The following SLCO1B3 variants were observed in gnomAD, a reference collection of about 807,000 sequenced individuals.
The protein encoded by SLCO1B3 is solute carrier organic anion transporter family member 1B3.
SLCO1B3 carries 72 observed loss-of-function variants against 71.8 expected under a neutral mutation model. The observed-to-expected ratio is 1.00, with a 90% CI of 0.83 to 1.22. The LOEUF (loss-of-function observed/expected upper bound fraction) is 1.22. SLCO1B3 is among the 50% of genes most tolerant of loss of function. The probability of loss-of-function intolerance (pLI) is 0.00; values close to 1 mark genes in which losing one functional copy is unlikely to be tolerated. For synonymous variants in SLCO1B3, 298 were observed against 278.4 expected, an observed-to-expected ratio of 1.07 and a Z score of -0.70; for missense variants, 911 against 819.7, an observed-to-expected ratio of 1.11 and a Z score of -1.36.
chr12:20,824,684 AAATAT>A (rs1313801591), intron 3 of SLCO1B3, among the ~76,000 whole-genome samples: 4 of 152,202 alleles, frequency 2.6e-5, no homozygotes, highest in Admixed American at 2.0e-4. Context: ...ACATTCACAT[AAATAT>A]AATATAATCC....
At chr12:20,912,280 T>C (rs1866394797) in intron 15 of SLCO1B3, among the ~76,000 whole-genome samples, 1 of 150,812 alleles carries the variant, frequency 6.6e-6, no homozygotes, top group Non-Finnish European at 1.5e-5. Flanking sequence ...TTCTTTCAAA[T>C]TTCTTCTATT....
chr12:20,868,974 G>A (rs1361616565), intron 8 of SLCO1B3, among the ~76,000 whole-genome samples: 3 of 152,120 alleles, frequency 2.0e-5, no homozygotes, highest in Admixed American at 2.0e-4. Flanking sequence ...CTGCTATCTA[G>A]AAGGCAGAGC....
intron 3 of SLCO1B3, among the ~76,000 whole-genome samples, chr12:20,824,153 A>T (rs1864375187): frequency 6.6e-6 from 1 of 152,228 alleles, no homozygotes; most frequent in Non-Finnish European, 1.5e-5. Flanking sequence ...AATTTACTAA[A>T]TTCACTTTAT....
rs556361287 is a variant in SLCO1B3, at chr12:20,887,319, A to G, written c.1682+3717A>G. ...TACTGTTTTCCATAGAGGTTTTACT[A>G]ATTTACATTCCCACCAACAGTGTAT... On this transcript the variant is annotated intron_variant, in intron 13 of 15. Transcript: ENST00000381545. Among the ~76,000 whole-genome samples, 399 of 152,192 alleles carry G rather than the reference A, an allele frequency of 2.6e-3. 4 individuals carry two copies. Among genetic ancestry groups the G allele is most frequent in the Non-Finnish European group, 5.9e-4 (40 of 67,962 alleles).
At chr12:20,868,624 G>A (rs1865416802) in intron 8 of SLCO1B3, among the ~76,000 whole-genome samples, 1 of 150,184 alleles carries the variant, frequency 6.7e-6, no homozygotes, top group Non-Finnish European at 1.5e-5. Context: ...CTTACTGTGT[G>A]CGGAGATGAG....
At chr12:20,871,554 C>A (rs1591772488) in intron 8 of SLCO1B3, among the ~76,000 whole-genome samples, 1 of 152,084 alleles carries the variant, frequency 6.6e-6, no homozygotes, top group Non-Finnish European at 1.5e-5. Flanking sequence ...TCCTTCTTTA[C>A]TAGGCTTTTT....
chr12:20,857,273 G>A (rs1487964087), intron 4 of SLCO1B3, among the ~76,000 whole-genome samples: 4 of 151,934 alleles, frequency 2.6e-5, no homozygotes, highest in Admixed American at 6.6e-5. Flanking sequence ...CTGGACAAAC[G>A]TAGGAACTTT....
intron 4 of SLCO1B3, among the ~76,000 whole-genome samples, 158 bp from the exon 5 acceptor site, chr12:20,858,281 T>C (rs1486018034): frequency 6.6e-6 from 1 of 152,038 alleles, no homozygotes; most frequent in Non-Finnish European, 1.5e-5. Flanking sequence ...TTTCAATGAG[T>C]GGTTTAATGT....
At chr12:20,894,951 G>T (rs958760451) in intron 13 of SLCO1B3, among the ~76,000 whole-genome samples, 11 of 152,216 alleles carry the variant, frequency 7.2e-5, no homozygotes, top group African/African-American at 2.4e-4. Flanking sequence ...TGGAAGGCAA[G>T]GAGGAGCAAG....
In SLCO1B3 at chr12:20,856,749, C is replaced by T. The variant is rs528259854; in HGVS notation, c.226+1580C>T. The stretch of plus-strand genomic sequence containing the variant: ...TAATTTTCGTATTTTTAAGTGGAGA[C>T]AGGTTTTCACCATTTGGCCAGGCTG... On this transcript the variant is annotated intron_variant, in intron 4 of 15. Transcript: ENST00000381545. 8.7e-4 allele frequency among the ~76,000 whole-genome samples: 133 copies of T among 152,198 alleles called. 2 individuals carry two copies. The South Asian group carries it at 0.025, about 28-fold the overall frequency.
At chr12:20,878,971 T>A (rs954185062) in intron 10 of SLCO1B3, among the ~76,000 whole-genome samples, 3 of 152,118 alleles carry the variant, frequency 2.0e-5, no homozygotes, top group African/African-American at 7.2e-5. Flanking sequence ...AAAGGATTTT[T>A]TAGATGGTAG....
chr12:20,816,926 T>C (rs1179097695), intron 3 of SLCO1B3, among the ~76,000 whole-genome samples: 2 of 152,250 alleles, frequency 1.3e-5, no homozygotes, highest in Non-Finnish European at 2.9e-5. Flanking sequence ...CATTGTAGTA[T>C]TGATTTGCAT....
At chr12:20,818,385 T>C (rs1864230646) in intron 3 of SLCO1B3, among the ~76,000 whole-genome samples, 2 of 152,164 alleles carry the variant, frequency 1.3e-5, no homozygotes, top group African/African-American at 4.8e-5. Flanking sequence ...TGAGGAATTA[T>C]GTCTGACAGA....
chr12:20,882,391 G>T (rs1865710509), intron 12 of SLCO1B3, among the ~76,000 whole-genome samples: 1 of 152,082 alleles, frequency 6.6e-6, no homozygotes, highest in Admixed American at 6.6e-5. Context: ...TGAACCATAC[G>T]AGTATGGATT....
chr12:20,884,410 A>G (rs540756864), intron 13 of SLCO1B3, among the ~76,000 whole-genome samples: 1 of 152,306 alleles, frequency 6.6e-6, no homozygotes, highest in Non-Finnish European at 1.5e-5. Context: ...GTGACATTAT[A>G]TCTAAAGATG....
intron 2 of SLCO1B3, among the ~76,000 whole-genome samples, chr12:20,814,976 C>CTTTTTTTTTTTTTTTTT (rs1297703814): frequency 3.4e-5 from 4 of 117,108 alleles, no homozygotes; most frequent in Non-Finnish European, 5.4e-5. Flanking sequence ...CTTTTCTTTT[C>CTTTTTTTTTTTTTTTTT]TTTTCTTTTT....
At chr12:20,898,589 G>T (rs1866065473) in intron 14 of SLCO1B3, 89 bp downstream of exon 14, 1 of 590,416 alleles carries the variant, frequency 1.7e-6, no homozygotes, top group Admixed American at 3.2e-5. Flanking sequence ...TCAACTATAA[G>T]ACTGTATAAA....
At chr12:20,818,080 C>CT (rs2121077553) in intron 3 of SLCO1B3, among the ~76,000 whole-genome samples, 3 of 152,150 alleles carry the variant, frequency 2.0e-5, no homozygotes, top group African/African-American at 7.2e-5. Flanking sequence ...GGGGCACAGT[C>CT]TAAGTTGGTC....
At chr12:20,867,612 A>G (rs1022315891) in intron 8 of SLCO1B3, among the ~76,000 whole-genome samples, 4 of 152,212 alleles carry the variant, frequency 2.6e-5, no homozygotes, top group African/African-American at 9.6e-5. Flanking sequence ...ACAAATTGAC[A>G]TCAGACAGTC....
Sources: allele counts gnomAD v4.1 joint callset (sites outside exome capture counted in the v4.1 genomes callset), GRCh38; gene constraint gnomAD v4.1.1; transcripts MANE v1.5; gene names NCBI Gene and HGNC (gene_info 2026-07-23, HGNC 2026-07-21).